RREB1: variants seen among roughly 807,000 people sequenced by gnomAD.
RREB1 encodes the protein ras responsive element binding protein 1.
Under a neutral mutation model 117.8 loss-of-function variants are expected in RREB1, and 27 were observed. That is an observed-to-expected ratio of 0.23 (90% CI 0.17 to 0.32). The LOEUF is 0.32. Among genes scored for constraint, RREB1 ranks in the 10% least tolerant of loss-of-function variants. RREB1 has a pLI of 1.00. For missense variants in RREB1, 2,577 were observed against 2,378.2 expected (o/e 1.08, Z -1.74); for synonymous variants, 1,298 against 1,026.7 (o/e 1.26, Z -5.05).
chr6:7,150,533 A>G (rs1227212278), intron 1 of RREB1, among the ~76,000 whole-genome samples: 1 of 151,406 alleles, frequency 6.6e-6, no homozygotes, highest in Non-Finnish European at 1.5e-5. Flanking sequence ...TGCTGAAGGT[A>G]GAAAGTATTC....
chr6:7,180,087 A>G (rs987317944), intron 2 of RREB1, among the ~76,000 whole-genome samples: 1 of 152,212 alleles, frequency 6.6e-6, no homozygotes, highest in African/African-American at 2.4e-5. Context: ...GTGGACAAAG[A>G]GGCTGGATCC....
At chr6:7,134,510 T>C (rs1285853541) in intron 1 of RREB1, among the ~76,000 whole-genome samples, 1 of 152,258 alleles carries the variant, frequency 6.6e-6, no homozygotes, top group Admixed American at 6.5e-5. Context: ...AAATGTAAGA[T>C]ACTCTTTTAA....
At chr6:7,155,591 G>C (rs1350159602) in intron 1 of RREB1, among the ~76,000 whole-genome samples, 1 of 152,252 alleles carries the variant, frequency 6.6e-6, no homozygotes, top group African/African-American at 2.4e-5. Context: ...GATTACAGGC[G>C]TGAGCCACAG....
In RREB1 at chr6:7,182,068, G is replaced by C. The variant is rs751203125; in HGVS notation, c.157G>C (p.Gly53Arg). Residue 53 changes from glycine (G) to arginine (R), a missense_variant, in exon 4 of 13, where the codon GGC becomes CGC. Physicochemically the swap from Gly to Arg is moderately radical, Grantham distance 125. Coordinates refer to ENST00000379938, the MANE Select transcript of RREB1 (RefSeq NM_001003699.4). ...PSKPPGPNRI[G>R]RRNQETKEEK... ...GAAGCCTCCAGGACCAAATCGGATT[G>C]GCAGAAGGAACCAGGTAAGTGTTCA... is the stretch of plus-strand genomic sequence containing the variant. 6 of 1,614,014 alleles carry C rather than the reference G, an allele frequency of 3.7e-6. No individual in the cohort carries two copies. In the Admixed American group the frequency reaches 1.0e-4, roughly 27 times the overall value.
intron 1 of RREB1, among the ~76,000 whole-genome samples, chr6:7,142,505 C>CCA (rs1244321797): frequency 6.2e-4 from 95 of 152,380 alleles, no homozygotes; most frequent in African/African-American, 2.2e-3. Context: ...TGTTTGGTAA[C>CCA]CATCAGGCTG....
chr6:7,125,992 TTTG>T (rs1347724441), intron 1 of RREB1, among the ~76,000 whole-genome samples: 138 of 147,800 alleles, frequency 9.3e-4, no homozygotes, highest in African/African-American at 3.4e-3. Context: ...CTGTTTTTTG[TTTG>T]TTTGTTTGTT....
intron 12 of RREB1, among the ~76,000 whole-genome samples, chr6:7,247,668 G>A (rs565389161): frequency 1.3e-5 from 2 of 152,262 alleles, no homozygotes; most frequent in South Asian, 4.1e-4. Context: ...TTAGGGTCAG[G>A]AGGGCCTTTT....
In RREB1 at chr6:7,227,545, A is replaced by AG. The variant is rs1301467898; in HGVS notation, c.897+889_897+890insG. On this transcript the variant is annotated intron_variant, in intron 9 of 12. Coordinates refer to ENST00000379938, the MANE Select transcript of RREB1 (RefSeq NM_001003699.4). Reference sequence around the variant, plus strand: ...AACAGAGCGAGACTCCGTCTAAGAAAAAAAAAATTTTTTTTTTAAATAAAA... The same window carrying AG: ...AACAGAGCGAGACTCCGTCTAAGAAAGAAAAAAATTTTTTTTTTAAATAAAA... Among the ~76,000 whole-genome samples, 222 of 151,874 alleles carry AG rather than the reference A, an allele frequency of 1.5e-3. 1 individual carries two copies. Among genetic ancestry groups the AG allele is most frequent in the Admixed American group, 2.7e-3 (41 of 15,282 alleles).
In RREB1 at chr6:7,247,163, G is replaced by A. The variant is rs1168397273; in HGVS notation, c.4713G>A (p.Val1571=). The A allele has an allele frequency of 6.2e-7, 1 of 1,613,960 alleles. No individual in the cohort carries two copies. The highest frequency in any genetic ancestry group is 1.7e-5 in the Admixed American group (1 of 60,032). The part of the protein sequence containing the change: ...KADKRKKVCS[V]CNKRFWSLQD... ...ACAAGAGGAAGAAGGTCTGCAGCGT[G>A]TGCAACAAGCGGTTCTGGTCGCTGC... Residue 1571 remains valine (V), a synonymous_variant, in exon 12 of 13, where the codon GTG becomes GTA. Transcript: ENST00000379938.
intron 9 of RREB1, among the ~76,000 whole-genome samples, chr6:7,227,456 G>T (rs1281141252): frequency 2.0e-5 from 3 of 151,252 alleles, no homozygotes; most frequent in African/African-American, 4.9e-5. Context: ...CAGAAGAATC[G>T]CTTGAACCCG....
intron 1 of RREB1, among the ~76,000 whole-genome samples, chr6:7,171,742 A>C (rs1764220699): frequency 6.6e-6 from 1 of 152,086 alleles, no homozygotes; most frequent in South Asian, 2.1e-4. Flanking sequence ...TGGAATTTGG[A>C]ACCACGAGCC....
At chr6:7,134,507 A>C (rs1011600804) in intron 1 of RREB1, among the ~76,000 whole-genome samples, 1 of 152,216 alleles carries the variant, frequency 6.6e-6, no homozygotes, top group Non-Finnish European at 1.5e-5. Flanking sequence ...TTTAAATGTA[A>C]GATACTCTTT....
intron 11 of RREB1, among the ~76,000 whole-genome samples, chr6:7,243,755 G>A (rs187627660): frequency 5.9e-5 from 9 of 152,228 alleles, no homozygotes; most frequent in Admixed American, 1.3e-4. Flanking sequence ...CATTATCCGC[G>A]CAAAGGAAGG....
chr6:7,186,445 A>G (rs1043883724), intron 4 of RREB1, among the ~76,000 whole-genome samples: 1 of 152,206 alleles, frequency 6.6e-6, no homozygotes, highest in African/African-American at 2.4e-5. Flanking sequence ...TTAAATGCAT[A>G]GAAACCAACC....
intron 9 of RREB1, 62 bp from the exon 10 acceptor site, chr6:7,228,935 T>G: frequency 7.2e-7 from 1 of 1,390,718 alleles, no homozygotes; most frequent in East Asian, 2.4e-5. Context: ...CATCTCCGTT[T>G]AGTGATTATT....
intron 8 of RREB1, 142 bp downstream of exon 8, chr6:7,211,851 C>T (rs4960297): frequency 0.49 from 423,857 of 873,068 alleles, 108,090 homozygotes; most frequent in East Asian, 0.77. Context: ...AAGAAAGTAT[C>T]GGTGTGGGGA....
intron 1 of RREB1, among the ~76,000 whole-genome samples, chr6:7,151,086 G>C (rs1237068607): frequency 3.9e-5 from 6 of 152,222 alleles, no homozygotes; most frequent in Non-Finnish European, 8.8e-5. Context: ...TAATACTCTT[G>C]ATGCTTCCAG....
chr6:7,238,998 C>T (rs1171832896), intron 10 of RREB1, among the ~76,000 whole-genome samples: 1 of 152,240 alleles, frequency 6.6e-6, no homozygotes, highest in Non-Finnish European at 1.5e-5. Flanking sequence ...TCGTGTGACA[C>T]AGCCAGTGCC....
rs112080388 is a variant in RREB1, at chr6:7,228,880, G to A, written c.898-117G>A. On this transcript the variant is annotated intron_variant, in intron 9 of 12. Coordinates refer to ENST00000379938, the MANE Select transcript of RREB1 (RefSeq NM_001003699.4). ...CAGGCTGGGAACTCTTTATGTTATGGGGAAAGGCTGTGTACTGGGATAAAT... is the reference window on the plus strand; with the variant it reads ...CAGGCTGGGAACTCTTTATGTTATGAGGAAAGGCTGTGTACTGGGATAAAT... The A allele has an allele frequency of 2.5e-3, 2,293 of 902,958 alleles. 20 individuals are homozygous for A. In the African/African-American group the frequency reaches 0.026, roughly 10 times the overall value. The allele number at this position is 902,958 out of a possible 1,614,324, so 55.9% of individuals were successfully genotyped here.
Sources: gnomAD v4.1 joint callset for allele counts (sites outside exome capture counted in the v4.1 genomes callset) on GRCh38, gnomAD v4.1.1 for gene constraint, MANE v1.5 for transcripts, NCBI Gene and HGNC (gene_info 2026-07-23, HGNC 2026-07-21) for gene names.